Variants in CSTA observed in about 807,000 individuals in gnomAD.
CSTA encodes cystatin A, also known as cystatin-A.
CSTA carries 9 observed loss-of-function variants against 9.2 expected under a neutral mutation model. The observed-to-expected ratio is 0.97, with a 90% CI of 0.59 to 1.70. CSTA has a LOEUF of 1.70. Among genes scored for constraint, CSTA ranks in the 40% most tolerant of loss-of-function variants. The probability of loss-of-function intolerance (pLI) is 0.00; values close to 1 mark genes in which losing one functional copy is unlikely to be tolerated. For missense variants in CSTA, 118 were observed against 113.1 expected, an observed-to-expected ratio of 1.04 and a Z score of -0.20; for synonymous variants, 36 against 40.6, an observed-to-expected ratio of 0.89 and a Z score of 0.43.
chr3:122,327,193 G>T (rs1190994597), intron 1 of CSTA, among the ~76,000 whole-genome samples: 1 of 151,056 alleles, frequency 6.6e-6, no homozygotes, highest in African/African-American at 2.4e-5. Flanking sequence ...AGCCAAGATA[G>T]TGCCTGCACC....
At chr3:122,336,278 T>C (rs1304821893) in intron 1 of CSTA, among the ~76,000 whole-genome samples, 1 of 152,100 alleles carries the variant, frequency 6.6e-6, no homozygotes, top group Non-Finnish European at 1.5e-5. Context: ...AAGATAAACC[T>C]GGAACATCTG....
At position 122,328,068 on chromosome 3, in the gene CSTA, C is replaced by T. The variant is rs138162860; in HGVS notation, c.66+2710C>T. ...TAAGTATTAAGAACAGCTACCTCAC[C>T]CCAGAAAGGGGTTTTGCAGTTTTTA... On this transcript the variant is annotated intron_variant, in intron 1 of 2. Coordinates refer to ENST00000264474, the MANE Select transcript of CSTA (RefSeq NM_005213.4). 6.2e-3 allele frequency among the ~76,000 whole-genome samples: 950 copies of T among 152,184 alleles called. 5 individuals are homozygous for T. Among genetic ancestry groups the T allele is most frequent in the Middle Eastern group, 0.01 (3 of 294 alleles).
chr3:122,326,271 T>A (rs1028490854), intron 1 of CSTA, among the ~76,000 whole-genome samples: 1 of 152,234 alleles, frequency 6.6e-6, no homozygotes, highest in Non-Finnish European at 1.5e-5. Flanking sequence ...GCTCAAGCCA[T>A]CCACTCACCT....
At chr3:122,330,292 G>GGA (rs1490115326) in intron 1 of CSTA, among the ~76,000 whole-genome samples, 1 of 152,218 alleles carries the variant, frequency 6.6e-6, no homozygotes, top group African/African-American at 2.4e-5. Flanking sequence ...CAGAGGAGCT[G>GGA]AAGTTTATCA....
chr3:122,329,420 A>C (rs2075190755), intron 1 of CSTA, among the ~76,000 whole-genome samples: 1 of 152,038 alleles, frequency 6.6e-6, no homozygotes. Flanking sequence ...AAATACAAAA[A>C]AATAGCCAGG....
intron 1 of CSTA, among the ~76,000 whole-genome samples, chr3:122,336,836 A>C (rs1294378279): frequency 6.6e-6 from 1 of 152,244 alleles, no homozygotes; most frequent in Non-Finnish European, 1.5e-5. Flanking sequence ...ACAAACATGT[A>C]TAATACTAAC....
intron 1 of CSTA, among the ~76,000 whole-genome samples, chr3:122,333,962 T>C (rs1315659968): frequency 6.6e-6 from 1 of 152,238 alleles, no homozygotes; most frequent in East Asian, 1.9e-4. Flanking sequence ...GGGGTTAGTG[T>C]AGAGATTAAC....
intron 2 of CSTA, among the ~76,000 whole-genome samples, chr3:122,339,846 T>C (rs2075255752): frequency 6.6e-6 from 1 of 152,096 alleles, no homozygotes; most frequent in Non-Finnish European, 1.5e-5. Context: ...CATTCCCCGA[T>C]CAGTACCCCC....
At chr3:122,338,170 A>C (rs147583442) in intron 2 of CSTA, 3 of 154,444 alleles carry the variant, frequency 1.9e-5, no homozygotes, top group Non-Finnish European at 2.9e-5. Context: ...AACTTGTGGC[A>C]CTCTAGGCAT....
At chr3:122,332,481 A>T (rs2075210401) in intron 1 of CSTA, among the ~76,000 whole-genome samples, 1 of 152,122 alleles carries the variant, frequency 6.6e-6, no homozygotes, top group South Asian at 2.1e-4. Context: ...ATATCTTTCT[A>T]TCTATTTTCT....
chr3:122,334,909 G>A lies in CSTA; in HGVS notation c.67-2638G>A, dbSNP rs116850235. On this transcript the variant is annotated intron_variant, in intron 1 of 2. Transcript: ENST00000264474. Reference sequence around the variant, plus strand: ...CAGGCATGAGCAACACCAAAAAGTCGTAGCCAGGAGTAAGGTCTCAGACCA... The same window carrying A: ...CAGGCATGAGCAACACCAAAAAGTCATAGCCAGGAGTAAGGTCTCAGACCA... Among the ~76,000 whole-genome samples the A allele has an allele frequency of 1.3e-4, 20 of 152,278 alleles. No individual in the cohort carries two copies. In the East Asian group the frequency reaches 2.3e-3, roughly 18 times the overall value.
At chr3:122,336,966 G>C (rs1423539229) in intron 1 of CSTA, among the ~76,000 whole-genome samples, 1 of 152,150 alleles carries the variant, frequency 6.6e-6, no homozygotes, top group Non-Finnish European at 1.5e-5. Context: ...AGGAGACTGA[G>C]GAGAAATGAC....
At chr3:122,327,096 A>G (rs4678182) in intron 1 of CSTA, among the ~76,000 whole-genome samples, 14,392 of 151,716 alleles carry the variant, frequency 0.095, 1,373 homozygotes, top group East Asian at 0.46. Flanking sequence ...AAATTAGCCG[A>G]GCATGGTGGT....
rs1234486817 is a variant in CSTA at position 122,341,702 on chromosome 3, T to G, written c.*135T>G. 1.9e-5 allele frequency: 22 copies of G among 1,158,950 alleles called. No homozygotes were observed. Among genetic ancestry groups the G allele is most frequent in the African/African-American group, 1.6e-5 (1 of 64,440 alleles). 71.8% of individuals were successfully genotyped at this position (1,158,950 alleles called of 1,614,324 possible). A position where few individuals can be genotyped will look rare whatever the true frequency, so the allele number is the denominator to read the frequency against. On this transcript the variant is annotated 3_prime_UTR_variant, in exon 3 of 3. Coordinates refer to ENST00000264474, the MANE Select transcript of CSTA (RefSeq NM_005213.4). ...CTTCAATTATTTCTCATTTATTGTA[T>G]TAAGCAGAAATTACCTTTTCTTTCT...
intron 1 of CSTA, among the ~76,000 whole-genome samples, chr3:122,330,065 G>A (rs1405354960): frequency 6.6e-6 from 1 of 152,142 alleles, no homozygotes; most frequent in Non-Finnish European, 1.5e-5. Flanking sequence ...GCCCCAAGAG[G>A]CAGGTATTAT....
At chr3:122,326,322 C>T (rs2075170571) in intron 1 of CSTA, among the ~76,000 whole-genome samples, 1 of 152,146 alleles carries the variant, frequency 6.6e-6, no homozygotes, top group South Asian at 2.1e-4. Context: ...TGAGCCACCA[C>T]ACCCATCCCT....
chr3:122,340,944 ATT>A (rs11338611), intron 2 of CSTA, among the ~76,000 whole-genome samples: 11,721 of 147,296 alleles, frequency 0.08, 742 homozygotes, highest in African/African-American at 0.17. Context: ...TTAGTCTACA[ATT>A]TTTTTTTTTT....
intron 2 of CSTA, 70 bp from the exon 3 acceptor site, chr3:122,341,369 G>A (rs1215457356): frequency 2.6e-6 from 4 of 1,551,516 alleles, no homozygotes; most frequent in Non-Finnish European, 2.7e-6. Flanking sequence ...TAGACCTGTG[G>A]CTCTCTCACT....
chr3:122,335,740 T>C (rs1418706754), intron 1 of CSTA, among the ~76,000 whole-genome samples: 6 of 152,050 alleles, frequency 3.9e-5, no homozygotes, highest in African/African-American at 1.5e-4. Context: ...CAAGCAATTC[T>C]CCTGCCTCAG....
Sources: gnomAD v4.1 joint callset for allele counts (sites outside exome capture counted in the v4.1 genomes callset) on GRCh38, gnomAD v4.1.1 for gene constraint, MANE v1.5 for transcripts, NCBI Gene and HGNC (gene_info 2026-07-23, HGNC 2026-07-21) for gene names.